The following PTPRD variants were observed in gnomAD, a reference collection of about 807,000 sequenced individuals.
The protein encoded by PTPRD is protein tyrosine phosphatase receptor type D.
In PTPRD, 34 loss-of-function variants were observed where a neutral mutation model predicts 214.5. The observed-to-expected ratio is 0.16, with a 90% CI of 0.12 to 0.21. The LOEUF is 0.21. PTPRD is among the 10% of genes least tolerant of loss of function. PTPRD has a pLI of 1.00. For synonymous variants in PTPRD, 1,128 were observed against 845.7 expected, an observed-to-expected ratio of 1.33 and a Z score of -5.79; for missense variants, 2,545 against 2,398.7, an observed-to-expected ratio of 1.06 and a Z score of -1.27.
intron 4 of PTPRD, among the ~76,000 whole-genome samples, chr9:9,999,746 G>C (rs368523104): frequency 6.6e-6 from 1 of 152,130 alleles, no homozygotes; most frequent in Non-Finnish European, 1.5e-5. Flanking sequence ...GAAAGATTTC[G>C]TCAAGGTTGT....
intron 3 of PTPRD, among the ~76,000 whole-genome samples, chr9:10,141,956 C>G (rs2098988466): frequency 6.6e-6 from 1 of 152,132 alleles, no homozygotes. Context: ...ACAGAGCCCT[C>G]AGAAATAAGG....
intron 11 of PTPRD, among the ~76,000 whole-genome samples, chr9:8,883,905 A>G (rs1429635763): frequency 6.6e-6 from 1 of 152,310 alleles, no homozygotes; most frequent in South Asian, 2.1e-4. Flanking sequence ...AATCTTCACA[A>G]TTATTTTCTC....
At chr9:10,010,584 C>T (rs1335222941) in intron 4 of PTPRD, among the ~76,000 whole-genome samples, 5 of 151,762 alleles carry the variant, frequency 3.3e-5, no homozygotes, top group African/African-American at 1.2e-4. Flanking sequence ...ATGCACAGCA[C>T]TCAGGCAAGT....
At chr9:8,939,521 G>A (rs1245204407) in intron 11 of PTPRD, among the ~76,000 whole-genome samples, 1 of 151,856 alleles carries the variant, frequency 6.6e-6, no homozygotes, top group Admixed American at 6.6e-5. Flanking sequence ...GTATAGCATT[G>A]CTGCAGACAA....
At chr9:9,156,038 T>G (rs745818558) in intron 10 of PTPRD, among the ~76,000 whole-genome samples, 2 of 152,172 alleles carry the variant, frequency 1.3e-5, no homozygotes, top group African/African-American at 2.4e-5. Context: ...ATGAGGGTTA[T>G]GCTTTCAGCC....
At chr9:10,395,296 C>T (rs548108429) in intron 2 of PTPRD, among the ~76,000 whole-genome samples, 71 of 151,176 alleles carry the variant, frequency 4.7e-4, no homozygotes, top group Non-Finnish European at 9.6e-4. Flanking sequence ...GCTTCCCTTC[C>T]TGTGTCCAAG....
intron 8 of PTPRD, among the ~76,000 whole-genome samples, chr9:9,513,651 C>A (rs1405030628): frequency 6.6e-6 from 1 of 151,288 alleles, no homozygotes; most frequent in South Asian, 2.1e-4. Flanking sequence ...CCTGAATATT[C>A]TTCTCCTTCC....
At chr9:10,502,790 T>G (rs1199471410) in intron 2 of PTPRD, among the ~76,000 whole-genome samples, 1 of 152,200 alleles carries the variant, frequency 6.6e-6, no homozygotes, top group African/African-American at 2.4e-5. Context: ...AAATATCCAT[T>G]TAGTTTTCAG....
intron 2 of PTPRD, among the ~76,000 whole-genome samples, chr9:10,417,092 G>A (rs974914653): frequency 1.3e-5 from 2 of 151,836 alleles, no homozygotes; most frequent in African/African-American, 4.8e-5. Context: ...TGGGGTTGCA[G>A]ATGTTTTTGC....
chr9:8,950,825 A>G (rs2099097803), intron 11 of PTPRD, among the ~76,000 whole-genome samples: 1 of 152,006 alleles, frequency 6.6e-6, no homozygotes, highest in Non-Finnish European at 1.5e-5. Context: ...AAGCTACTAC[A>G]TGTCAGAGCC....
chr9:8,695,092 C>T (rs2097882875), intron 12 of PTPRD, among the ~76,000 whole-genome samples: 1 of 152,192 alleles, frequency 6.6e-6, no homozygotes, highest in African/African-American at 2.4e-5. Context: ...CTGCCTTTCT[C>T]ATTGTGCTGG....
intron 2 of PTPRD, among the ~76,000 whole-genome samples, chr9:10,392,776 G>A (rs574009147): frequency 3.9e-4 from 59 of 151,930 alleles, no homozygotes; most frequent in Non-Finnish European, 6.5e-4. Flanking sequence ...AGGACCATTC[G>A]GATGGAAGGA....
intron 5 of PTPRD, among the ~76,000 whole-genome samples, chr9:9,829,785 T>C (rs117327148): frequency 0.016 from 2,443 of 151,960 alleles, 28 homozygotes; most frequent in Non-Finnish European, 0.023. Context: ...CTTTCAACTA[T>C]AGAAACCTAC....
intron 11 of PTPRD, among the ~76,000 whole-genome samples, chr9:9,003,840 C>G (rs778679798): frequency 4.6e-5 from 7 of 152,062 alleles, no homozygotes; most frequent in Non-Finnish European, 7.4e-5. Flanking sequence ...AACTCGCAAT[C>G]TGTAAATGCC....
chr9:8,772,559 C>A (rs2095277924), intron 11 of PTPRD, among the ~76,000 whole-genome samples: 1 of 152,004 alleles, frequency 6.6e-6, no homozygotes, highest in Admixed American at 6.6e-5. Context: ...AGGAGGATCA[C>A]TTGAGCCCAG....
At chr9:10,379,436 G>T (rs2097782007) in intron 2 of PTPRD, among the ~76,000 whole-genome samples, 2 of 151,796 alleles carry the variant, frequency 1.3e-5, no homozygotes, top group South Asian at 4.2e-4. Context: ...CATCCTTGTT[G>T]CATTCCAGAT....
chr9:10,359,251 G>A (rs886326041), intron 2 of PTPRD, among the ~76,000 whole-genome samples: 3 of 151,964 alleles, frequency 2.0e-5, no homozygotes, highest in Non-Finnish European at 4.4e-5. Flanking sequence ...CATGGTGTAT[G>A]TATGTGTGCA....
At chr9:9,927,856 G>T (rs942763066) in intron 5 of PTPRD, among the ~76,000 whole-genome samples, 7 of 152,024 alleles carry the variant, frequency 4.6e-5, no homozygotes, top group African/African-American at 1.7e-4. Context: ...ATTTTCTTGA[G>T]ATATGTGAAT....
chr9:10,229,652 T>C (rs2154355027), intron 3 of PTPRD, among the ~76,000 whole-genome samples: 1 of 132,730 alleles, frequency 7.5e-6, no homozygotes, highest in East Asian at 2.2e-4. Flanking sequence ...AATTGAACAA[T>C]GAGAACACAT....
Sources: gnomAD v4.1 joint callset for allele counts (sites outside exome capture counted in the v4.1 genomes callset) on GRCh38, gnomAD v4.1.1 for gene constraint, MANE v1.5 for transcripts, NCBI Gene and HGNC (gene_info 2026-07-23, HGNC 2026-07-21) for gene names.